TFDP2: variants seen among roughly 807,000 people sequenced by gnomAD.
The protein encoded by TFDP2 is transcription factor Dp-2.
A neutral mutation model predicts 59.3 loss-of-function variants in TFDP2; 17 were observed. The ratio of observed to expected loss-of-function variants is 0.29; its 90% CI spans 0.20 to 0.43. The LOEUF (loss-of-function observed/expected upper bound fraction) is 0.43. Ranked by LOEUF, TFDP2 falls within the 20% of genes least tolerant of loss-of-function variation. The pLI is 1.00. For missense variants in TFDP2, 391 were observed against 528.8 expected (o/e 0.74, Z 2.56); for synonymous variants, 180 against 194.7 (o/e 0.92, Z 0.63).
chr3:141,978,483 T>C (rs749986774), intron 7 of TFDP2, 37 bp downstream of exon 7: 1 of 1,583,404 alleles, frequency 6.3e-7, no homozygotes, highest in Non-Finnish European at 8.6e-7. Flanking sequence ...AGTAGCATCA[T>C]CCATCAAAAT....
intron 3 of TFDP2, among the ~76,000 whole-genome samples, chr3:142,034,738 C>T (rs1208523888): frequency 1.4e-5 from 2 of 140,230 alleles, no homozygotes; most frequent in Non-Finnish European, 3.0e-5. Context: ...TTTTTTGAGA[C>T]GGAGTCTTGC....
chr3:142,074,944 G>A (rs1033298012), intron 3 of TFDP2, among the ~76,000 whole-genome samples: 2 of 152,086 alleles, frequency 1.3e-5, no homozygotes, highest in Non-Finnish European at 2.9e-5. Flanking sequence ...TTTTCGACAA[G>A]GGTGCCAAGA....
intron 3 of TFDP2, among the ~76,000 whole-genome samples, chr3:142,013,480 T>C (rs909579774): frequency 8.5e-5 from 13 of 152,216 alleles, no homozygotes; most frequent in Non-Finnish European, 1.5e-4. Context: ...CCTAAGTGCA[T>C]GGCCTAAATT....
chr3:142,023,991 G>C (rs1945873619), intron 3 of TFDP2, among the ~76,000 whole-genome samples: 1 of 152,046 alleles, frequency 6.6e-6, no homozygotes, highest in African/African-American at 2.4e-5. Context: ...TGTAGAGACA[G>C]GATTTTGCCA....
At chr3:142,097,381 A>G (rs2061193392) in intron 2 of TFDP2, among the ~76,000 whole-genome samples, 2 of 152,222 alleles carry the variant, frequency 1.3e-5, no homozygotes, top group Admixed American at 1.3e-4. Context: ...TAATATCCAT[A>G]CAATAAATAA....
chr3:142,117,970 C>CAT (rs2061901655), intron 1 of TFDP2, among the ~76,000 whole-genome samples: 1 of 151,710 alleles, frequency 6.6e-6, no homozygotes, highest in Non-Finnish European at 1.5e-5. Context: ...TGGTGGCATG[C>CAT]GCCTGTAATC....
At chr3:141,954,361 C>T (rs1041058022) in intron 11 of TFDP2, among the ~76,000 whole-genome samples, 2 of 152,164 alleles carry the variant, frequency 1.3e-5, no homozygotes, top group South Asian at 2.1e-4. Flanking sequence ...CTAAATGTGG[C>T]GGGGCGCGGT....
chr3:141,962,071 C>T (rs545941139), intron 10 of TFDP2, among the ~76,000 whole-genome samples: 2 of 152,150 alleles, frequency 1.3e-5, no homozygotes, highest in South Asian at 2.1e-4. Flanking sequence ...GCCTCAGCCT[C>T]CCGAGTAGCT....
chr3:142,054,636 G>A (rs1252108619), intron 3 of TFDP2, among the ~76,000 whole-genome samples: 2 of 152,090 alleles, frequency 1.3e-5, no homozygotes, highest in Non-Finnish European at 2.9e-5. Context: ...GAAACAACTG[G>A]CATGTAGTAT....
chr3:141,974,012 G>A, intron 8 of TFDP2, 36 bp downstream of exon 8: 2 of 1,584,976 alleles, frequency 1.3e-6, no homozygotes, highest in Non-Finnish European at 1.7e-6. Context: ...GTAAAATAAT[G>A]CAAACAGCTA....
At chr3:142,104,394 A>C (rs897257554) in intron 1 of TFDP2, among the ~76,000 whole-genome samples, 1 of 152,198 alleles carries the variant, frequency 6.6e-6, no homozygotes, top group Non-Finnish European at 1.5e-5. Flanking sequence ...ACCAAGCTTG[A>C]TCTAACAGAT....
At chr3:142,148,119 GA>G (rs397969650) in intron 1 of TFDP2, among the ~76,000 whole-genome samples, 43 of 135,480 alleles carry the variant, frequency 3.2e-4, no homozygotes, top group African/African-American at 4.3e-4. Context: ...ACATGGCCCA[GA>G]AAAAAAAAAA....
At chr3:142,099,799 C>T (rs1442819201) in intron 2 of TFDP2, among the ~76,000 whole-genome samples, 1 of 152,022 alleles carries the variant, frequency 6.6e-6, no homozygotes, top group Non-Finnish European at 1.5e-5. Context: ...GCCAATATCT[C>T]CACTTGGAAG....
intron 3 of TFDP2, among the ~76,000 whole-genome samples, chr3:142,060,625 G>A (rs2059888497): frequency 6.6e-6 from 1 of 152,112 alleles, no homozygotes; most frequent in Admixed American, 6.5e-5. Flanking sequence ...TGTGTGTGTG[G>A]AGGGGGGCAG....
chr3:142,036,146 T>A (rs1447404915), intron 3 of TFDP2, among the ~76,000 whole-genome samples: 1 of 152,206 alleles, frequency 6.6e-6, no homozygotes, highest in Non-Finnish European at 1.5e-5. Flanking sequence ...ATCACTTCAG[T>A]CCTCTATATG....
At chr3:142,012,603 C>G (rs1305509029) in intron 3 of TFDP2, among the ~76,000 whole-genome samples, 3 of 152,154 alleles carry the variant, frequency 2.0e-5, no homozygotes, top group African/African-American at 7.2e-5. Context: ...CCTAAAAATA[C>G]AAGCACGTAT....
At chr3:142,040,217 G>A (rs150595399) in intron 3 of TFDP2, among the ~76,000 whole-genome samples, 8 of 152,234 alleles carry the variant, frequency 5.3e-5, no homozygotes, top group African/African-American at 1.9e-4. Context: ...AATATCAGGG[G>A]CTTTAAAATA....
chr3:142,103,924 GT>G (rs1015586203), intron 1 of TFDP2, among the ~76,000 whole-genome samples: 2 of 151,930 alleles, frequency 1.3e-5, no homozygotes, highest in African/African-American at 4.8e-5. Context: ...AGAACATGCA[GT>G]TTTGTTACAT....
chr3:142,001,672 A>G (rs1446701045), intron 4 of TFDP2, among the ~76,000 whole-genome samples: 2 of 152,162 alleles, frequency 1.3e-5, no homozygotes. Flanking sequence ...ATGATAAATT[A>G]TATCTTTAAT....
Sources: gnomAD v4.1 joint callset for allele counts (sites outside exome capture counted in the v4.1 genomes callset) on GRCh38, gnomAD v4.1.1 for gene constraint, MANE v1.5 for transcripts, NCBI Gene and HGNC (gene_info 2026-07-23, HGNC 2026-07-21) for gene names.